Variants in CTNNA3 observed in about 807,000 individuals in gnomAD.
The protein encoded by CTNNA3 is catenin alpha 3, also known as catenin alpha-3.
In CTNNA3, 76 loss-of-function variants were observed where a neutral mutation model predicts 95.7. That is an observed-to-expected ratio of 0.79 (90% CI 0.66 to 0.96). CTNNA3 has a LOEUF of 0.96. Among genes scored for constraint, CTNNA3 ranks in the 40% least tolerant of loss-of-function variants. The probability of loss-of-function intolerance (pLI) is 0.00; values close to 1 mark genes in which losing one functional copy is unlikely to be tolerated. For synonymous variants in CTNNA3, 431 were observed against 374.4 expected, an observed-to-expected ratio of 1.15 and a Z score of -1.74; for missense variants, 1,191 against 1,089.8, an observed-to-expected ratio of 1.09 and a Z score of -1.31.
At chr10:66,310,268 T>C (rs1489005161) in intron 12 of CTNNA3, among the ~76,000 whole-genome samples, 1 of 152,188 alleles carries the variant, frequency 6.6e-6, no homozygotes, top group African/African-American at 2.4e-5. Flanking sequence ...CATATTTACA[T>C]AGTAAACTGT....
chr10:66,977,434 CAA>C (rs11368044), intron 7 of CTNNA3, among the ~76,000 whole-genome samples: 264 of 144,980 alleles, frequency 1.8e-3, no homozygotes, highest in Middle Eastern at 3.4e-3. Flanking sequence ...AACTCTGTCT[CAA>C]AAAAAAAAAA....
chr10:67,070,200 A>C (rs1377390086), intron 7 of CTNNA3, among the ~76,000 whole-genome samples: 1 of 152,090 alleles, frequency 6.6e-6, no homozygotes, highest in African/African-American at 2.4e-5. Context: ...ATATCCTCTT[A>C]TGTGAAGTGT....
chr10:67,531,086 T>C (rs1307501942), intron 4 of CTNNA3, among the ~76,000 whole-genome samples: 2 of 152,196 alleles, frequency 1.3e-5, no homozygotes, highest in Non-Finnish European at 2.9e-5. Context: ...AGGTAGAAGT[T>C]TGCTGCAGGG....
intron 7 of CTNNA3, among the ~76,000 whole-genome samples, chr10:67,086,325 T>C (rs114545524): frequency 5.7e-4 from 86 of 152,172 alleles, no homozygotes; most frequent in African/African-American, 2.0e-3. Flanking sequence ...GCATACAGAA[T>C]ATCACTTCAT....
At chr10:67,428,406 A>G (rs1845993125) in intron 5 of CTNNA3, among the ~76,000 whole-genome samples, 1 of 152,066 alleles carries the variant, frequency 6.6e-6, no homozygotes, top group Non-Finnish European at 1.5e-5. Flanking sequence ...GGGCCTTAGT[A>G]ATAGAATTAG....
chr10:67,103,026 T>G (rs1333176867), intron 7 of CTNNA3, among the ~76,000 whole-genome samples: 1 of 151,786 alleles, frequency 6.6e-6, no homozygotes, highest in East Asian at 1.9e-4. Flanking sequence ...AAGTTACTAT[T>G]AAGAGGTCAA....
intron 9 of CTNNA3, among the ~76,000 whole-genome samples, chr10:66,726,361 C>T (rs58932784): frequency 0.027 from 4,181 of 152,108 alleles, 161 homozygotes; most frequent in East Asian, 0.2. Flanking sequence ...CTTATTAATA[C>T]ATAAAATTAT....
chr10:66,982,049 G>A (rs1181789831), intron 7 of CTNNA3, among the ~76,000 whole-genome samples: 3 of 152,066 alleles, frequency 2.0e-5, no homozygotes, highest in African/African-American at 7.2e-5. Flanking sequence ...ATGAGGCAAG[G>A]GGCTCCATAC....
intron 5 of CTNNA3, among the ~76,000 whole-genome samples, chr10:67,250,196 G>A (rs1046366954): frequency 6.6e-6 from 1 of 151,786 alleles, no homozygotes; most frequent in African/African-American, 2.4e-5. Context: ...TGTGGGATAT[G>A]AAATCTAAGT....
At chr10:66,125,338 G>A (rs1019076778) in intron 13 of CTNNA3, among the ~76,000 whole-genome samples, 3 of 151,848 alleles carry the variant, frequency 2.0e-5, no homozygotes, top group African/African-American at 4.8e-5. Context: ...GTTGAGGGGA[G>A]GAATTGAGAA....
intron 17 of CTNNA3, among the ~76,000 whole-genome samples, chr10:65,948,954 T>C (rs1215301056): frequency 6.6e-6 from 1 of 152,206 alleles, no homozygotes; most frequent in African/African-American, 2.4e-5. Context: ...CAAAAGTCTT[T>C]ATACTTTTGA....
chr10:66,294,654 G>C (rs2091744591), intron 12 of CTNNA3, among the ~76,000 whole-genome samples: 1 of 152,170 alleles, frequency 6.6e-6, no homozygotes. Context: ...ATTTGGTACT[G>C]AGATAGAAAC....
intron 11 of CTNNA3, among the ~76,000 whole-genome samples, chr10:66,444,523 C>A (rs1479583238): frequency 1.3e-5 from 2 of 151,846 alleles, no homozygotes; most frequent in East Asian, 3.9e-4. Context: ...CAACATTTCA[C>A]ATTCTTAAAG....
chr10:67,106,078 A>G (rs2131957772), intron 7 of CTNNA3, among the ~76,000 whole-genome samples: 1 of 152,316 alleles, frequency 6.6e-6, no homozygotes, highest in South Asian at 2.1e-4. Flanking sequence ...ATTTTGTGGA[A>G]GAATTACACA....
In CTNNA3 at chr10:66,101,232, C is replaced by A. The variant is rs150206053; in HGVS notation, c.1977+1925G>T. On this transcript the variant is annotated intron_variant, in intron 14 of 17. Transcript: ENST00000433211. ...GAAACTAAATCCAGATGCTGTGTGA[C>A]CCTAGACAGTTTTCAACACAAATTG... Among the ~76,000 whole-genome samples the A allele has an allele frequency of 3.2e-3, 493 of 152,266 alleles. 1 individual carries two copies. Among genetic ancestry groups the A allele is most frequent in the Non-Finnish European group, 4.9e-3 (334 of 68,020 alleles).
intron 9 of CTNNA3, among the ~76,000 whole-genome samples, chr10:66,696,131 T>C (rs1320362968): frequency 1.3e-5 from 2 of 152,174 alleles, no homozygotes; most frequent in African/African-American, 4.8e-5. Flanking sequence ...CAAATGACTT[T>C]ATCAAAATAT....
intron 5 of CTNNA3, among the ~76,000 whole-genome samples, chr10:67,343,919 A>G (rs1331273440): frequency 6.8e-6 from 1 of 147,848 alleles, no homozygotes; most frequent in Non-Finnish European, 1.5e-5. Flanking sequence ...TATATTATAT[A>G]TTTTATATTT....
At chr10:66,288,427 T>C (rs1156432297) in intron 12 of CTNNA3, among the ~76,000 whole-genome samples, 1 of 151,900 alleles carries the variant, frequency 6.6e-6, no homozygotes, top group Non-Finnish European at 1.5e-5. Context: ...CAAATGCAAA[T>C]AGCAATAAAT....
At chr10:67,267,552 G>A (rs1018192377) in intron 5 of CTNNA3, among the ~76,000 whole-genome samples, 1 of 151,992 alleles carries the variant, frequency 6.6e-6, no homozygotes, top group Non-Finnish European at 1.5e-5. Flanking sequence ...TTTTTTAGTA[G>A]AGATGGGGTT....
Sources: gnomAD v4.1 joint callset for allele counts (sites outside exome capture counted in the v4.1 genomes callset) on GRCh38, gnomAD v4.1.1 for gene constraint, MANE v1.5 for transcripts, NCBI Gene and HGNC (gene_info 2026-07-23, HGNC 2026-07-21) for gene names.